KIF26B: variants seen among roughly 807,000 people sequenced by gnomAD.
The protein encoded by KIF26B is kinesin-like protein KIF26B.
Under a neutral mutation model 151.2 loss-of-function variants are expected in KIF26B, and 63 were observed. The ratio of observed to expected loss-of-function variants is 0.42; its 90% CI spans 0.34 to 0.51. The LOEUF (loss-of-function observed/expected upper bound fraction) is 0.51. Among genes scored for constraint, KIF26B ranks in the 20% least tolerant of loss-of-function variants. The pLI is 0.07. For missense variants in KIF26B, 2,813 were observed against 2,913.6 expected (o/e 0.97, Z 0.79); for synonymous variants, 1,357 against 1,262.1 (o/e 1.08, Z -1.59).
chr1:245,571,839 T>G (rs147913807), intron 5 of KIF26B, among the ~76,000 whole-genome samples: 1 of 152,204 alleles, frequency 6.6e-6, no homozygotes, highest in Non-Finnish European at 1.5e-5. Flanking sequence ...TTGGGAGACG[T>G]AGGAAAATTA....
intron 2 of KIF26B, among the ~76,000 whole-genome samples, chr1:245,272,992 C>T (rs574001615): frequency 6.6e-6 from 1 of 152,036 alleles, no homozygotes; most frequent in Admixed American, 6.6e-5. Flanking sequence ...GTGTATTCTG[C>T]TGCTTTTGGG....
chr1:245,581,020 T>G (rs139073268), intron 5 of KIF26B, among the ~76,000 whole-genome samples: 345 of 152,366 alleles, frequency 2.3e-3, no homozygotes, highest in African/African-American at 7.9e-3. Context: ...TCTCTCTGCA[T>G]AGAGCATCTT....
chr1:245,172,832 A>T (rs1248217837), intron 2 of KIF26B, among the ~76,000 whole-genome samples: 1 of 151,996 alleles, frequency 6.6e-6, no homozygotes, highest in African/African-American at 2.4e-5. Context: ...CAAAAACAAA[A>T]CAAAGAGGGT....
intron 2 of KIF26B, among the ~76,000 whole-genome samples, chr1:245,337,527 T>A (rs1672259313): frequency 1.1e-5 from 1 of 88,044 alleles, no homozygotes; most frequent in South Asian, 3.2e-4. Context: ...AATGTGTGTG[T>A]GTGTGTGTGT....
chr1:245,698,774 C>CA lies in KIF26B; in HGVS notation c.6028-113_6028-112insA. 7.5e-7 allele frequency: 1 copy of CA among 1,331,136 alleles called. No homozygotes were observed. The highest frequency in any genetic ancestry group is 2.4e-5 in the East Asian group (1 of 41,150). The allele number at this position is 1,331,136 out of a possible 1,614,324, so 82.5% of individuals were successfully genotyped here. On this transcript the variant is annotated intron_variant, in intron 13 of 14. Coordinates refer to ENST00000407071, the MANE Select transcript of KIF26B (RefSeq NM_018012.4). The surrounding 1 kb of genome is among the most constrained non-coding windows in gnomAD (Gnocchi z 4.0). The stretch of plus-strand genomic sequence containing the variant: ...TTTGGTGGGGATGACCCATGTCCCT[C>CA]CCACACGTCTCCAAGCCCAGCCTGT...
intron 4 of KIF26B, among the ~76,000 whole-genome samples, chr1:245,513,529 G>C (rs1467205028): frequency 6.6e-6 from 1 of 152,192 alleles, no homozygotes; most frequent in Non-Finnish European, 1.5e-5. Flanking sequence ...AAACTGATCA[G>C]TGCCTTACAC....
chr1:245,289,240 G>A (rs1671214755), intron 2 of KIF26B, among the ~76,000 whole-genome samples: 2 of 152,214 alleles, frequency 1.3e-5, no homozygotes, highest in Non-Finnish European at 2.9e-5. Context: ...TCGTAAATGT[G>A]GTTACAGGGT....
Position 245,213,509 on chromosome 1 carries a change from C to G in KIF26B, c.465+56826C>G, listed in dbSNP as rs1023293282. On this transcript the variant is annotated intron_variant, in intron 2 of 14. Transcript: ENST00000407071. Reference sequence around the variant, plus strand: ...AGTTCAGGGATGGAAGTGCCTGATCCAGGCAGACCTAAAGCAGAGGTAATG... The same window carrying G: ...AGTTCAGGGATGGAAGTGCCTGATCGAGGCAGACCTAAAGCAGAGGTAATG... Among the ~76,000 whole-genome samples the G allele has an allele frequency of 5.3e-5, 8 of 152,162 alleles. No homozygotes were observed. In the South Asian group the frequency reaches 6.2e-4, roughly 12 times the overall value.
At chr1:245,295,714 A>G (rs977418070) in intron 2 of KIF26B, among the ~76,000 whole-genome samples, 7 of 152,240 alleles carry the variant, frequency 4.6e-5, no homozygotes, top group African/African-American at 1.4e-4. Flanking sequence ...TACTGGAAAT[A>G]TTACTTTTCA....
In KIF26B at chr1:245,309,866, T is replaced by G. The variant is rs1671632777; in HGVS notation, c.466-56968T>G. On this transcript the variant is annotated intron_variant, in intron 2 of 14. Transcript: ENST00000407071. ...TATATTATATATAATATTTAATATA[T>G]ATAATAAATCAATAAATATATATCT... is the stretch of plus-strand genomic sequence containing the variant. 2.1e-5 allele frequency among the ~76,000 whole-genome samples: 3 copies of G among 146,118 alleles called. No homozygotes were observed. In the South Asian group the frequency reaches 6.3e-4, roughly 31 times the overall value.
intron 14 of KIF26B, among the ~76,000 whole-genome samples, chr1:245,701,539 G>A (rs1386193705): frequency 2.0e-5 from 3 of 152,162 alleles, no homozygotes; most frequent in Non-Finnish European, 2.9e-5. Flanking sequence ...GACCTCATCT[G>A]CAGAAAGAAG....
chr1:245,195,065 G>T (rs1009066295), intron 2 of KIF26B, among the ~76,000 whole-genome samples: 6 of 152,148 alleles, frequency 3.9e-5, no homozygotes, highest in South Asian at 4.1e-4. Context: ...GGCTCTACTA[G>T]GATTTTATGT....
At chr1:245,577,609 C>T (rs1392223496) in intron 5 of KIF26B, among the ~76,000 whole-genome samples, 1 of 151,510 alleles carries the variant, frequency 6.6e-6, no homozygotes, top group African/African-American at 2.4e-5. Flanking sequence ...CTTTGTGGAA[C>T]TCGGCAGTGC....
At chr1:245,636,913 C>T (rs1188512215) in intron 9 of KIF26B, among the ~76,000 whole-genome samples, 1 of 151,170 alleles carries the variant, frequency 6.6e-6, no homozygotes, top group African/African-American at 2.4e-5. Flanking sequence ...TATTAATTTA[C>T]CCATTGATGG....
At position 245,366,829 on chromosome 1, in the gene KIF26B, T is replaced by G; in HGVS notation, c.466-5T>G. The stretch of plus-strand genomic sequence containing the variant: ...CTCCTCTCCCTCTGCTTCTGTGTTC[T>G]GTAGGACCCTGCTTTCTCGGCTGTG... On this transcript the variant is annotated splice_region_variant and splice_polypyrimidine_tract_variant and intron_variant, in intron 2 of 14. Coordinates refer to ENST00000407071, the MANE Select transcript of KIF26B (RefSeq NM_018012.4). The G allele has an allele frequency of 1.2e-6, 2 of 1,613,654 alleles. No individual in the cohort carries two copies. Among genetic ancestry groups the G allele is most frequent in the South Asian group, 2.2e-5 (2 of 91,050 alleles).
intron 2 of KIF26B, among the ~76,000 whole-genome samples, chr1:245,280,317 TC>T (rs1671016670): frequency 6.8e-6 from 1 of 146,880 alleles, no homozygotes; most frequent in Admixed American, 6.9e-5. Flanking sequence ...ATTGAGACCA[TC>T]CTGGCTAACA....
At chr1:245,510,395 G>T (rs1044139971) in intron 4 of KIF26B, among the ~76,000 whole-genome samples, 8 of 152,128 alleles carry the variant, frequency 5.3e-5, no homozygotes, top group South Asian at 2.1e-4. Context: ...CAAAACCTGG[G>T]TTCCATCAGC....
chr1:245,606,065 A>G lies in KIF26B; in HGVS notation c.1558-1586A>G, dbSNP rs555334968. Among the ~76,000 whole-genome samples the G allele has an allele frequency of 7.2e-5, 11 of 152,230 alleles. No individual in the cohort carries two copies. The South Asian group carries it at 2.3e-3, about 32-fold the overall frequency. ...GACACGCCTCTGGCAAATTCCATCAAGACGCTACTGCTTCTGTCTCAGGGT... is the reference window on the plus strand; with the variant it reads ...GACACGCCTCTGGCAAATTCCATCAGGACGCTACTGCTTCTGTCTCAGGGT... On this transcript the variant is annotated intron_variant, in intron 6 of 14. Coordinates refer to ENST00000407071, the MANE Select transcript of KIF26B (RefSeq NM_018012.4). The surrounding 1 kb of genome is among the most constrained non-coding windows in gnomAD (Gnocchi z 4.6).
intron 2 of KIF26B, among the ~76,000 whole-genome samples, chr1:245,209,125 C>T (rs1483313534): frequency 4.6e-5 from 7 of 152,178 alleles, no homozygotes; most frequent in South Asian, 4.1e-4. Flanking sequence ...ACAGGCCAGG[C>T]GCAGTGGCTC....
Sources: allele counts gnomAD v4.1 joint callset (sites outside exome capture counted in the v4.1 genomes callset), GRCh38; gene constraint gnomAD v4.1.1; non-coding constraint Gnocchi (gnomAD v3.1); transcripts MANE v1.5; gene names NCBI Gene and HGNC (gene_info 2026-07-23, HGNC 2026-07-21).